RBFOX1: variants seen among roughly 807,000 people sequenced by gnomAD.
RBFOX1 encodes the protein RNA binding protein fox-1 homolog 1.
In RBFOX1, 8 loss-of-function variants were observed where a neutral mutation model predicts 57.7. The observed-to-expected ratio is 0.14, with a 90% CI of 0.08 to 0.25. RBFOX1 has a LOEUF of 0.25. Among genes scored for constraint, RBFOX1 ranks in the 10% least tolerant of loss-of-function variants. The probability of loss-of-function intolerance (pLI) is 1.00; values close to 1 mark genes in which losing one functional copy is unlikely to be tolerated. For synonymous variants in RBFOX1, 326 were observed against 222.4 expected (o/e 1.47, Z -4.15); for missense variants, 611 against 548.5 (o/e 1.11, Z -1.14).
At chr16:5,651,215 G>T (rs944888652) in intron 3 of RBFOX1, among the ~76,000 whole-genome samples, 3 of 151,618 alleles carry the variant, frequency 2.0e-5, no homozygotes, top group African/African-American at 7.3e-5. Flanking sequence ...ACCATACCCA[G>T]CTAATTTTTG....
chr16:7,212,350 C>T (rs1012490439), intron 4 of RBFOX1, among the ~76,000 whole-genome samples: 5 of 152,166 alleles, frequency 3.3e-5, no homozygotes, highest in African/African-American at 1.2e-4. Flanking sequence ...TATTCGCTTG[C>T]CTGTAGCCGC....
intron 1 of RBFOX1, among the ~76,000 whole-genome samples, chr16:6,175,409 C>T (rs1023270356): frequency 1.3e-5 from 2 of 152,060 alleles, no homozygotes; most frequent in African/African-American, 2.4e-5. Context: ...TAACATTACA[C>T]GTTCTGCTAG....
intron 5 of RBFOX1, among the ~76,000 whole-genome samples, chr16:7,543,787 C>A (rs148847024): frequency 6.6e-6 from 1 of 151,774 alleles, no homozygotes; most frequent in African/African-American, 2.4e-5. Flanking sequence ...GTGGCACGAT[C>A]TTGGCTCACT....
At chr16:7,088,745 A>T (rs1447706320) in intron 4 of RBFOX1, among the ~76,000 whole-genome samples, 1 of 152,208 alleles carries the variant, frequency 6.6e-6, no homozygotes, top group Non-Finnish European at 1.5e-5. Context: ...TGAATTTCTT[A>T]TGCCAGTAAC....
At chr16:7,134,371 T>C (rs2071337620) in intron 4 of RBFOX1, among the ~76,000 whole-genome samples, 2 of 152,198 alleles carry the variant, frequency 1.3e-5, no homozygotes, top group African/African-American at 4.8e-5. Flanking sequence ...GACTTTAACA[T>C]CGCTCTGGGA....
At chr16:6,892,984 T>C (rs59592484) in intron 3 of RBFOX1, among the ~76,000 whole-genome samples, 38,589 of 152,004 alleles carry the variant, frequency 0.25, 5,242 homozygotes, top group Admixed American at 0.37. Flanking sequence ...TTACTTTTAA[T>C]TGCAAAAACT....
intron 3 of RBFOX1, among the ~76,000 whole-genome samples, chr16:6,877,869 T>C (rs1201597819): frequency 1.3e-5 from 2 of 152,062 alleles, no homozygotes; most frequent in Non-Finnish European, 2.9e-5. Flanking sequence ...TCAAAGAGAA[T>C]AGGGAAAGGA....
chr16:6,677,105 G>C (rs763337618), intron 3 of RBFOX1, among the ~76,000 whole-genome samples: 28 of 152,260 alleles, frequency 1.8e-4, no homozygotes, highest in Non-Finnish European at 3.1e-4. Context: ...CATTTAATCT[G>C]CCTATTTAAA....
intron 2 of RBFOX1, among the ~76,000 whole-genome samples, chr16:5,572,258 G>A (rs1348230235): frequency 6.6e-6 from 1 of 152,130 alleles, no homozygotes; most frequent in East Asian, 1.9e-4. Context: ...GAAGCATCCA[G>A]CCATTTATCT....
rs558194712 is a variant in RBFOX1, at chr16:7,645,261, G to A, written c.758-8554G>A. Among the ~76,000 whole-genome samples, 17 of 152,218 alleles carry A rather than the reference G, an allele frequency of 1.1e-4. 1 individual carries two copies. Among genetic ancestry groups the A allele is most frequent in the South Asian group, 4.2e-4 (2 of 4,816 alleles). ...ATGTAAAGAGATTCAATTATGGTGC[G>A]CAGTGTTTTGTGAGTAACTACCACC... On this transcript the variant is annotated intron_variant, in intron 11 of 15. Coordinates refer to ENST00000550418, the MANE Select transcript of RBFOX1 (RefSeq NM_018723.4).
downstream of RBFOX1, among the ~76,000 whole-genome samples, chr16:5,602,989 A>T (rs1286211300): frequency 1.3e-5 from 2 of 152,140 alleles, no homozygotes; most frequent in African/African-American, 4.8e-5. Flanking sequence ...AATGGGGTTT[A>T]CAAGACTAAA....
At chr16:7,417,991 A>G (rs1372286179) in intron 4 of RBFOX1, among the ~76,000 whole-genome samples, 1 of 152,136 alleles carries the variant, frequency 6.6e-6, no homozygotes, top group East Asian at 1.9e-4. Context: ...CTCATCCCAC[A>G]GATGGGCTCC....
intron 1 of RBFOX1, among the ~76,000 whole-genome samples, chr16:6,220,495 TG>T (rs1373318025): frequency 6.6e-6 from 1 of 152,206 alleles, no homozygotes; most frequent in Admixed American, 6.5e-5. Context: ...TAGACTATAT[TG>T]AGTTATAAGT....
chr16:5,417,757 T>G (rs1436379882), intron 1 of RBFOX1, among the ~76,000 whole-genome samples: 1 of 152,166 alleles, frequency 6.6e-6, no homozygotes, highest in African/African-American at 2.4e-5. Context: ...TGACTGTGTC[T>G]TCACAGACTA....
At chr16:5,900,576 G>A (rs775396738) in intron 4 of RBFOX1, among the ~76,000 whole-genome samples, 5 of 152,052 alleles carry the variant, frequency 3.3e-5, no homozygotes, top group Non-Finnish European at 7.4e-5. Flanking sequence ...TCCTGCTCCC[G>A]CCTCATGCAG....
upstream of RBFOX1, among the ~76,000 whole-genome samples, chr16:6,017,902 G>T (rs1032094633): frequency 6.6e-6 from 1 of 152,160 alleles, no homozygotes; most frequent in Non-Finnish European, 1.5e-5. Context: ...CATGGTATAA[G>T]TGCAAACACA....
intron 2 of RBFOX1, among the ~76,000 whole-genome samples, chr16:5,553,297 G>C (rs1314983914): frequency 6.6e-6 from 1 of 151,074 alleles, no homozygotes; most frequent in Non-Finnish European, 1.5e-5. Context: ...AAAAAGTAAG[G>C]TGTATGCCAT....
At chr16:7,626,298 A>C (rs1253709757) in intron 10 of RBFOX1, among the ~76,000 whole-genome samples, 1 of 152,214 alleles carries the variant, frequency 6.6e-6, no homozygotes, top group Non-Finnish European at 1.5e-5. Flanking sequence ...TTCAGGGGCC[A>C]GGAATGATCC....
chr16:5,674,842 T>C (rs2050117873), intron 3 of RBFOX1, among the ~76,000 whole-genome samples: 1 of 152,136 alleles, frequency 6.6e-6, no homozygotes. Flanking sequence ...TAGTACGTTA[T>C]GTAAAAATAG....
Sources: gnomAD v4.1 joint callset for allele counts (sites outside exome capture counted in the v4.1 genomes callset) on GRCh38, gnomAD v4.1.1 for gene constraint, MANE v1.5 for transcripts, NCBI Gene and HGNC (gene_info 2026-07-23, HGNC 2026-07-21) for gene names.